The following IMMP2L variants were observed in gnomAD, a reference collection of about 807,000 sequenced individuals.
The protein encoded by IMMP2L is inner mitochondrial membrane peptidase subunit 2.
IMMP2L carries 18 observed loss-of-function variants against 19.3 expected under a neutral mutation model. The ratio of observed to expected loss-of-function variants is 0.93; its 90% CI spans 0.64 to 1.38. IMMP2L has a LOEUF of 1.38. Among genes scored for constraint, IMMP2L ranks in the 40% most tolerant of loss-of-function variants. The pLI is 0.00. For missense variants in IMMP2L, 233 were observed against 218.2 expected, an observed-to-expected ratio of 1.07 and a Z score of -0.43; for synonymous variants, 76 against 73.0, an observed-to-expected ratio of 1.04 and a Z score of -0.21.
chr7:111,526,902 G>A (rs1053503430), intron 1 of IMMP2L, among the ~76,000 whole-genome samples: 1 of 152,082 alleles, frequency 6.6e-6, no homozygotes, highest in Non-Finnish European at 1.5e-5. Context: ...TTAGTTATAA[G>A]GTAGTATGCA....
intron 3 of IMMP2L, among the ~76,000 whole-genome samples, chr7:111,102,399 T>C (rs533604902): frequency 6.6e-6 from 1 of 151,586 alleles, no homozygotes; most frequent in African/African-American, 2.4e-5. Flanking sequence ...TCTTAGCTGC[T>C]GGAGTTTAGC....
At chr7:110,713,008 TC>T (rs1277996627) in intron 5 of IMMP2L, among the ~76,000 whole-genome samples, 1 of 152,136 alleles carries the variant, frequency 6.6e-6, no homozygotes, top group African/African-American at 2.4e-5. Context: ...CCGGAGCTGT[TC>T]CTATTCGGCC....
chr7:110,806,768 C>T (rs1206146578), intron 5 of IMMP2L, among the ~76,000 whole-genome samples: 1 of 151,340 alleles, frequency 6.6e-6, no homozygotes, highest in Non-Finnish European at 1.5e-5. Context: ...TTTTTAAATC[C>T]CCCTTTGAAA....
At chr7:111,187,886 G>A (rs903391357) in intron 3 of IMMP2L, among the ~76,000 whole-genome samples, 2 of 152,024 alleles carry the variant, frequency 1.3e-5, no homozygotes, top group Admixed American at 1.3e-4. Context: ...CCTTAAGTAC[G>A]TCAAAATACT....
chr7:111,019,188 G>GGAAA (rs1826028535), intron 3 of IMMP2L, among the ~76,000 whole-genome samples: 2 of 152,140 alleles, frequency 1.3e-5, no homozygotes, highest in Admixed American at 1.3e-4. Context: ...ACTACATGAA[G>GGAAA]GAAATATCTG....
At chr7:111,230,952 G>C (rs1275568520) in intron 3 of IMMP2L, among the ~76,000 whole-genome samples, 1 of 151,902 alleles carries the variant, frequency 6.6e-6, no homozygotes, top group East Asian at 1.9e-4. Flanking sequence ...GCAAATTAAT[G>C]GGAAGGGAGT....
At chr7:111,002,087 G>C (rs1823765697) in intron 3 of IMMP2L, among the ~76,000 whole-genome samples, 1 of 151,736 alleles carries the variant, frequency 6.6e-6, no homozygotes, top group Non-Finnish European at 1.5e-5. Context: ...CATTTGACAA[G>C]ATTAACTGAA....
Position 110,741,711 on chromosome 7 carries a change from T to A in IMMP2L, c.409-77990A>T, listed in dbSNP as rs116635185. ...AAGACAGTATGTAACCTCAATATAT[T>A]TATTTATAAATTATAGACATACTCC... On this transcript the variant is annotated intron_variant, in intron 5 of 5. Coordinates refer to ENST00000405709, the MANE Select transcript of IMMP2L (RefSeq NM_032549.4). Among the ~76,000 whole-genome samples, 780 of 152,286 alleles carry A rather than the reference T, an allele frequency of 5.1e-3. 5 individuals carry two copies. The highest frequency in any genetic ancestry group is 0.017 in the African/African-American group (726 of 41,556).
chr7:111,537,561 G>T (rs1339769822), intron 1 of IMMP2L, among the ~76,000 whole-genome samples: 2 of 132,690 alleles, frequency 1.5e-5, no homozygotes, highest in East Asian at 2.1e-4. Flanking sequence ...TTTGAGACAG[G>T]GTCTCACTCT....
At chr7:110,818,044 T>C (rs1375537938) in intron 5 of IMMP2L, among the ~76,000 whole-genome samples, 1 of 152,054 alleles carries the variant, frequency 6.6e-6, no homozygotes, top group South Asian at 2.1e-4. Flanking sequence ...ATTCAGGACA[T>C]AGGCATGGGC....
At chr7:110,682,454 T>C (rs550009344) in intron 5 of IMMP2L, among the ~76,000 whole-genome samples, 1 of 152,150 alleles carries the variant, frequency 6.6e-6, no homozygotes, top group Non-Finnish European at 1.5e-5. Context: ...AATGGAAAGA[T>C]GCTCAAAAAA....
At chr7:111,410,861 G>A (rs976006089) in intron 3 of IMMP2L, among the ~76,000 whole-genome samples, 8 of 151,146 alleles carry the variant, frequency 5.3e-5, no homozygotes, top group Non-Finnish European at 1.2e-4. Flanking sequence ...TATGAAGGAA[G>A]AAAATATTTT....
chr7:111,002,117 T>C (rs565228625), intron 3 of IMMP2L, among the ~76,000 whole-genome samples: 1 of 151,586 alleles, frequency 6.6e-6, no homozygotes, highest in Non-Finnish European at 1.5e-5. Context: ...ACTATGAGAG[T>C]CAAGTGCAGG....
At chr7:110,850,410 ATGGGC>A (rs1254205647) in intron 5 of IMMP2L, among the ~76,000 whole-genome samples, 2 of 152,112 alleles carry the variant, frequency 1.3e-5, no homozygotes, top group African/African-American at 4.8e-5. Flanking sequence ...GTTTGAAATG[ATGGGC>A]CTCTCAATTT....
intron 5 of IMMP2L, among the ~76,000 whole-genome samples, chr7:110,884,038 G>T (rs1809964100): frequency 6.6e-6 from 1 of 151,998 alleles, no homozygotes; most frequent in Non-Finnish European, 1.5e-5. Flanking sequence ...TAATTGAAGA[G>T]TCAATTGAAG....
intron 3 of IMMP2L, among the ~76,000 whole-genome samples, chr7:111,359,211 G>C (rs1468996776): frequency 6.6e-6 from 1 of 152,136 alleles, no homozygotes; most frequent in African/African-American, 2.4e-5. Context: ...CTGCAACGTA[G>C]ATCTGAATGT....
intron 5 of IMMP2L, among the ~76,000 whole-genome samples, chr7:110,785,128 G>A (rs1799983807): frequency 6.6e-6 from 1 of 151,828 alleles, no homozygotes; most frequent in African/African-American, 2.4e-5. Flanking sequence ...AGTAGGAGGT[G>A]GTAGAAGTCA....
chr7:110,672,158 A>G (rs947481515), intron 5 of IMMP2L, among the ~76,000 whole-genome samples: 8 of 152,128 alleles, frequency 5.3e-5, no homozygotes, highest in Non-Finnish European at 1.2e-4. Context: ...TACTGTGAGG[A>G]AACTTACAAT....
intron 3 of IMMP2L, among the ~76,000 whole-genome samples, chr7:111,367,246 AT>A (rs1352420636): frequency 3.9e-5 from 6 of 151,972 alleles, no homozygotes; most frequent in Admixed American, 3.9e-4. Flanking sequence ...AAAGAAAAAA[AT>A]AATGTTCTGT....
Sources: allele counts gnomAD v4.1 joint callset (sites outside exome capture counted in the v4.1 genomes callset), GRCh38; gene constraint gnomAD v4.1.1; transcripts MANE v1.5; gene names NCBI Gene and HGNC (gene_info 2026-07-23, HGNC 2026-07-21).